The following SH3KBP1 variants were observed in gnomAD, a reference collection of about 807,000 sequenced individuals.
SH3KBP1 encodes the protein SH3 domain containing kinase binding protein 1, also known as SH3 domain-containing kinase-binding protein 1.
A neutral mutation model predicts 50.1 loss-of-function variants in SH3KBP1; 8 were observed. The observed-to-expected ratio is 0.16, with a 90% confidence interval of 0.09 to 0.29. The LOEUF (loss-of-function observed/expected upper bound fraction) is 0.29. Among genes scored for constraint, SH3KBP1 ranks in the 10% least tolerant of loss-of-function variants. SH3KBP1 has a pLI of 1.00. For synonymous variants in SH3KBP1, 227 were observed against 218.6 expected (o/e 1.04, Z -0.34); for missense variants, 377 against 535.2 (o/e 0.70, Z 2.92).
chrX:19,568,085 A>C (rs1232771312), intron 13 of SH3KBP1, among the ~76,000 whole-genome samples: 2 of 111,134 alleles, frequency 1.8e-5, no homozygotes, highest in African/African-American at 6.5e-5. Flanking sequence ...AAGGATGATT[A>C]CCAGAGGCTG....
At chrX:19,874,961 G>T (rs761115981) in intron 1 of SH3KBP1, among the ~76,000 whole-genome samples, 1 of 105,080 alleles carries the variant, frequency 9.5e-6, no homozygotes, top group African/African-American at 3.5e-5. Flanking sequence ...AAGGTAGGGG[G>T]AGAGAGAGGA....
intron 8 of SH3KBP1, among the ~76,000 whole-genome samples, chrX:19,611,477 C>T (rs2067414951): frequency 8.9e-6 from 1 of 111,874 alleles, no homozygotes; most frequent in African/African-American, 3.3e-5. Context: ...CCTCAGCCTC[C>T]CAAGTAGCTG....
intron 15 of SH3KBP1, among the ~76,000 whole-genome samples, chrX:19,542,408 C>G (rs190113921): frequency 1.9e-4 from 21 of 112,134 alleles, no homozygotes; most frequent in Non-Finnish European, 3.6e-4. Flanking sequence ...TAAATGTGAC[C>G]TTCTTTCTGG....
At chrX:19,588,506 C>T in intron 12 of SH3KBP1, 137 bp downstream of exon 12, 1 of 1,207,442 alleles carries the variant, frequency 8.3e-7, no homozygotes. Context: ...GATAATTTTG[C>T]TGGAGGATGT....
rs2148861082 is a variant in SH3KBP1 at position 19,760,541 on chromosome X, GTAAC to G, written c.163-14104_163-14101del. On this transcript the variant is annotated intron_variant, in intron 2 of 17. Coordinates refer to ENST00000397821, the MANE Select transcript of SH3KBP1 (RefSeq NM_031892.3). ...GGGCACCGAGAATTGGACTCACCCT[GTAAC>G]CATGGTTACATGCATCTGGCATGTG... Among the ~76,000 whole-genome samples, 2 of 109,117 alleles carry G rather than the reference GTAAC, an allele frequency of 1.8e-5. 1 individual carries two copies. Among genetic ancestry groups the G allele is most frequent in the South Asian group, 8.4e-4 (2 of 2,386 alleles). 94.8% of individuals were successfully genotyped at this position (109,117 alleles called of 115,157 possible).
chrX:19,759,141 T>G (rs2065302942), intron 2 of SH3KBP1, among the ~76,000 whole-genome samples: 1 of 112,066 alleles, frequency 8.9e-6, no homozygotes, highest in Non-Finnish European at 1.9e-5. Flanking sequence ...ACACATTTAA[T>G]GCTCACAACC....
intron 2 of SH3KBP1, among the ~76,000 whole-genome samples, chrX:19,754,650 G>T (rs2065156460): frequency 1.8e-5 from 2 of 111,390 alleles, no homozygotes; most frequent in African/African-American, 6.5e-5. Context: ...TGTATTTTTA[G>T]TAAAGACCCA....
intron 14 of SH3KBP1, 91 bp from the exon 15 acceptor site, chrX:19,546,141 T>C: frequency 1.0e-6 from 1 of 999,186 alleles, no homozygotes; most frequent in Non-Finnish European, 1.4e-6. Flanking sequence ...TTAAAAGCAC[T>C]CGACACTGCT....
intron 5 of SH3KBP1, chrX:19,695,047 A>T (rs1225261784): frequency 8.4e-7 from 1 of 1,195,324 alleles, no homozygotes; most frequent in African/African-American, 1.8e-5. Flanking sequence ...GGAGACCTTC[A>T]GGCCCTGGAG....
chrX:19,541,228 T>A (rs977732413), intron 16 of SH3KBP1, among the ~76,000 whole-genome samples: 2 of 112,199 alleles, frequency 1.8e-5, no homozygotes, highest in Non-Finnish European at 1.9e-5. Context: ...CTACTTCTAA[T>A]CCTCCTATGG....
intron 2 of SH3KBP1, among the ~76,000 whole-genome samples, chrX:19,828,278 C>T (rs2067750816): frequency 9.1e-6 from 1 of 109,605 alleles, no homozygotes; most frequent in African/African-American, 3.3e-5. Context: ...TTTTTTTCCA[C>T]TGAGTTCCTC....
chrX:19,831,728 T>G (rs1444699708), intron 2 of SH3KBP1, among the ~76,000 whole-genome samples: 1 of 81,588 alleles, frequency 1.2e-5, no homozygotes, highest in Non-Finnish European at 2.2e-5. Flanking sequence ...GAGGTGGAGG[T>G]TGCGGTGAGC....
intron 2 of SH3KBP1, among the ~76,000 whole-genome samples, chrX:19,789,154 AG>A (rs1183054468): frequency 8.9e-6 from 1 of 111,948 alleles, no homozygotes; most frequent in Non-Finnish European, 1.9e-5. Flanking sequence ...AAATAAAGAA[AG>A]AAAAAGAAAA....
chrX:19,792,672 T>C (rs1286645203), intron 2 of SH3KBP1, among the ~76,000 whole-genome samples: 1 of 108,954 alleles, frequency 9.2e-6, no homozygotes, highest in African/African-American at 3.4e-5. Context: ...GTGGCTATTA[T>C]GTTAGGCCAG....
At chrX:19,799,642 A>C (rs748230442) in intron 2 of SH3KBP1, 1 of 1,209,801 alleles carries the variant, frequency 8.3e-7, no homozygotes, top group Admixed American at 2.2e-5. Context: ...ACAATCTCAG[A>C]CAAGTCTGCG....
intron 9 of SH3KBP1, among the ~76,000 whole-genome samples, chrX:19,602,487 G>A (rs939115500): frequency 8.9e-6 from 1 of 112,102 alleles, no homozygotes; most frequent in African/African-American, 3.2e-5. Flanking sequence ...ATACTCAGAT[G>A]ACATTAACTC....
intron 2 of SH3KBP1, among the ~76,000 whole-genome samples, chrX:19,824,054 A>C (rs1481014224): frequency 9.0e-6 from 1 of 111,224 alleles, no homozygotes; most frequent in Non-Finnish European, 1.9e-5. Context: ...TTCTGACCTC[A>C]AGTGATTCGC....
intron 2 of SH3KBP1, among the ~76,000 whole-genome samples, chrX:19,827,038 G>A (rs1460534723): frequency 3.6e-5 from 4 of 111,460 alleles, no homozygotes; most frequent in Non-Finnish European, 7.5e-5. Context: ...CTGGCCTTTC[G>A]CCTCATGGAT....
At chrX:19,621,238 CTAATTTT>C (rs1400774262) in intron 8 of SH3KBP1, among the ~76,000 whole-genome samples, 1 of 62,996 alleles carries the variant, frequency 1.6e-5, no homozygotes, top group Non-Finnish European at 2.7e-5. Flanking sequence ...CCACACCTGG[CTAATTTT>C]TTTTTTTTTT....
Sources: allele counts gnomAD v4.1 joint callset (sites outside exome capture counted in the v4.1 genomes callset), GRCh38; gene constraint gnomAD v4.1.1; transcripts MANE v1.5; gene names NCBI Gene and HGNC (gene_info 2026-07-23, HGNC 2026-07-21).